The following KLHL32 variants were observed in gnomAD, a reference collection of about 807,000 sequenced individuals.
The protein encoded by KLHL32 is kelch like family member 32, also known as kelch-like protein 32.
Under a neutral mutation model 64.8 loss-of-function variants are expected in KLHL32, and 35 were observed. That is an observed-to-expected ratio of 0.54 (90% CI 0.41 to 0.72). The LOEUF (loss-of-function observed/expected upper bound fraction) is 0.72. Ranked by LOEUF, KLHL32 falls within the 30% of genes least tolerant of loss-of-function variation. The probability of loss-of-function intolerance (pLI) is 0.00; values close to 1 mark genes in which losing one functional copy is unlikely to be tolerated. For missense variants in KLHL32, 589 were observed against 768.5 expected, an observed-to-expected ratio of 0.77 and a Z score of 2.76; for synonymous variants, 259 against 281.0, an observed-to-expected ratio of 0.92 and a Z score of 0.78.
chr6:97,051,000 T>C (rs1460017081), intron 4 of KLHL32, among the ~76,000 whole-genome samples: 1 of 152,086 alleles, frequency 6.6e-6, no homozygotes, highest in African/African-American at 2.4e-5. Flanking sequence ...CAAAACTCCA[T>C]CTCAAACAAA....
intron 3 of KLHL32, among the ~76,000 whole-genome samples, chr6:97,041,021 T>C (rs1004743372): frequency 2.0e-5 from 3 of 152,336 alleles, no homozygotes; most frequent in East Asian, 3.9e-4. Flanking sequence ...CTCAGGCAGT[T>C]CTTTATAGCA....
the KLHL32 span, among the ~76,000 whole-genome samples, chr6:96,915,237 A>T: frequency 6.6e-6 from 1 of 152,052 alleles, no homozygotes; most frequent in Admixed American, 6.6e-5. Context: ...CTGCTTCTTA[A>T]CTCATATCCA....
chr6:97,071,145 C>G (rs565005296), intron 5 of KLHL32, among the ~76,000 whole-genome samples: 1 of 152,106 alleles, frequency 6.6e-6, no homozygotes, highest in Non-Finnish European at 1.5e-5. Flanking sequence ...CCTCACTACC[C>G]AACTGTACCC....
intron 7 of KLHL32, among the ~76,000 whole-genome samples, chr6:97,121,805 C>A (rs1401002569): frequency 2.0e-5 from 3 of 152,058 alleles, no homozygotes; most frequent in Admixed American, 6.6e-5. Context: ...TGAACAATAT[C>A]ATTTGCTTTA....
At chr6:97,132,114 A>C (rs1220090368) in intron 9 of KLHL32, among the ~76,000 whole-genome samples, 1 of 152,232 alleles carries the variant, frequency 6.6e-6, no homozygotes, top group African/African-American at 2.4e-5. Context: ...CAGGAACTTT[A>C]ATATAATCTT....
Position 97,104,238 on chromosome 6 carries a change from AC to A in KLHL32, c.628-9544del, listed in dbSNP as rs1469171773. ...CTCAGGTCACTTTTCATGCACCCCCACTAAATATCTGGAACTTACATGTGGC... is the reference window on the plus strand; with the variant it reads ...CTCAGGTCACTTTTCATGCACCCCCATAAATATCTGGAACTTACATGTGGC... On this transcript the variant is annotated intron_variant, in intron 6 of 10. Transcript: ENST00000369261. Among the ~76,000 whole-genome samples, 10 of 152,140 alleles carry A rather than the reference AC, an allele frequency of 6.6e-5. No homozygotes were observed. In the South Asian group the frequency reaches 2.1e-3, roughly 31 times the overall value.
upstream of KLHL32, among the ~76,000 whole-genome samples, chr6:96,923,474 T>TA (rs747421697): frequency 3.4e-4 from 52 of 152,210 alleles, no homozygotes; most frequent in Non-Finnish European, 7.1e-4. Flanking sequence ...GACTGCTAGA[T>TA]AAGTAGGTAC....
At chr6:96,924,128 G>T (rs1002383545), upstream of KLHL32, among the ~76,000 whole-genome samples, 1 of 152,206 alleles carries the variant, frequency 6.6e-6, no homozygotes. Context: ...CTGTGAATTT[G>T]TTCTGGTCAG....
chr6:97,027,369 A>T (rs894244703), intron 3 of KLHL32, among the ~76,000 whole-genome samples: 1 of 152,214 alleles, frequency 6.6e-6, no homozygotes, highest in Admixed American at 6.5e-5. Flanking sequence ...AGCCATTACC[A>T]ATATCAGATT....
At chr6:96,944,819 G>C (rs1160473879) in intron 1 of KLHL32, among the ~76,000 whole-genome samples, 1 of 152,178 alleles carries the variant, frequency 6.6e-6, no homozygotes, top group Non-Finnish European at 1.5e-5. Flanking sequence ...GAAAATAAAA[G>C]AAATACTGTC....
chr6:97,132,764 C>G lies in KLHL32; in HGVS notation c.1701+17C>G. 6.4e-7 allele frequency: 1 copy of G among 1,565,366 alleles called. No homozygotes were observed. Among genetic ancestry groups the G allele is most frequent in the Non-Finnish European group, 8.7e-7 (1 of 1,144,910 alleles). The stretch of plus-strand genomic sequence containing the variant: ...TGTATCCAGGTGAGTGGTAGAAGTT[C>G]CTTTTGAAGTTTGTTCAAGTGGTTC... On this transcript the variant is annotated intron_variant, in intron 10 of 10. Coordinates refer to ENST00000369261, the MANE Select transcript of KLHL32 (RefSeq NM_052904.4).
At chr6:96,912,960 A>T in the KLHL32 span, among the ~76,000 whole-genome samples, 1 of 152,200 alleles carries the variant, frequency 6.6e-6, no homozygotes, top group African/African-American at 2.4e-5. Flanking sequence ...TGTGGTATTC[A>T]TATTCCTAGG....
intron 1 of KLHL32, among the ~76,000 whole-genome samples, chr6:96,946,689 C>T (rs928312388): frequency 1.3e-5 from 2 of 152,100 alleles, no homozygotes; most frequent in Admixed American, 1.3e-4. Context: ...TTGTAATTTT[C>T]ATCTTATGTT....
intron 1 of KLHL32, among the ~76,000 whole-genome samples, chr6:96,925,795 G>A (rs555157994): frequency 3.9e-5 from 6 of 152,182 alleles, no homozygotes; most frequent in Non-Finnish European, 7.4e-5. Context: ...GTATTGAAGC[G>A]CAGTTTTTTG....
At chr6:96,969,207 G>A (rs915102293) in intron 2 of KLHL32, among the ~76,000 whole-genome samples, 1 of 152,076 alleles carries the variant, frequency 6.6e-6, no homozygotes, top group Non-Finnish European at 1.5e-5. Context: ...CCTGCACTCA[G>A]CCACTCAGTT....
intron 3 of KLHL32, among the ~76,000 whole-genome samples, chr6:97,034,023 G>C (rs145701303): frequency 1.4e-3 from 218 of 152,088 alleles, no homozygotes; most frequent in Non-Finnish European, 2.4e-3. Context: ...TATGCATAAG[G>C]TTTTAGTTTG....
chr6:96,905,235 A>G, the KLHL32 span, among the ~76,000 whole-genome samples: 6 of 152,254 alleles, frequency 3.9e-5, no homozygotes, highest in Admixed American at 1.3e-4. Flanking sequence ...AATCATTTTC[A>G]TTTCAAAGAT....
chr6:96,959,501 C>T (rs1283101718), intron 1 of KLHL32, among the ~76,000 whole-genome samples: 2 of 152,192 alleles, frequency 1.3e-5, no homozygotes, highest in Admixed American at 6.5e-5. Context: ...TGTCCTCACG[C>T]GGTCTTTCAT....
intron 6 of KLHL32, chr6:97,105,329 C>T (rs1796261221): frequency 2.0e-5 from 8 of 408,360 alleles, no homozygotes; most frequent in Non-Finnish European, 4.0e-5. Context: ...TTCCTGGCTT[C>T]CTACTTCTTG....
Sources: allele counts gnomAD v4.1 joint callset (sites outside exome capture counted in the v4.1 genomes callset), GRCh38; gene constraint gnomAD v4.1.1; transcripts MANE v1.5; gene names NCBI Gene and HGNC (gene_info 2026-07-23, HGNC 2026-07-21).